Variants in FAM184B observed in about 807,000 individuals in gnomAD.
The protein encoded by FAM184B is protein FAM184B.
A neutral mutation model predicts 135.9 loss-of-function variants in FAM184B; 111 were observed. That is an observed-to-expected ratio of 0.82 (90% CI 0.70 to 0.96). The LOEUF is 0.96. Among genes scored for constraint, FAM184B ranks in the 40% least tolerant of loss-of-function variants. The probability of loss-of-function intolerance (pLI) is 0.00; values close to 1 mark genes in which losing one functional copy is unlikely to be tolerated. For missense variants in FAM184B, 1,375 were observed against 1,323.9 expected (o/e 1.04, Z -0.60); for synonymous variants, 552 against 524.8 (o/e 1.05, Z -0.71).
At chr4:17,754,555 A>G (rs1356955734) in intron 1 of FAM184B, among the ~76,000 whole-genome samples, 6 of 133,504 alleles carry the variant, frequency 4.5e-5, no homozygotes, top group African/African-American at 2.0e-4. Context: ...CTGTCTCAGA[A>G]AAAAAAAAAA....
intron 1 of FAM184B, among the ~76,000 whole-genome samples, chr4:17,751,971 GA>G (rs796589876): frequency 0.02 from 2,675 of 134,664 alleles, 20 homozygotes; most frequent in Non-Finnish European, 0.028. Context: ...GAAAGATCAG[GA>G]AAAAAAAAAA....
At chr4:17,662,336 AT>A (rs1365149197) in intron 8 of FAM184B, among the ~76,000 whole-genome samples, 2 of 118,568 alleles carry the variant, frequency 1.7e-5, no homozygotes, top group East Asian at 3.8e-4. Context: ...GTGGATATAT[AT>A]TTTTTTCTTT....
chr4:17,638,381 C>T (rs750564547), intron 14 of FAM184B, among the ~76,000 whole-genome samples: 13 of 151,454 alleles, frequency 8.6e-5, no homozygotes, highest in Non-Finnish European at 1.9e-4. Context: ...TTTGTAGAGA[C>T]GGAGTTTCAC....
At chr4:17,662,153 CCATGTTGTTGTGTATGT>C (rs1715933935) in intron 8 of FAM184B, among the ~76,000 whole-genome samples, 1 of 152,094 alleles carries the variant, frequency 6.6e-6, no homozygotes, top group Non-Finnish European at 1.5e-5. Flanking sequence ...TTGGCCTCAT[CCATGTTGTTGTGTATGT>C]CAGCAATTCA....
chr4:17,723,915 C>T (rs1717585584), intron 1 of FAM184B, among the ~76,000 whole-genome samples: 2 of 152,126 alleles, frequency 1.3e-5, no homozygotes, highest in African/African-American at 4.8e-5. Context: ...TCCCTGTCTG[C>T]TGGATGGAAG....
chr4:17,647,503 G>A (rs1715501572), intron 12 of FAM184B, 134 bp downstream of exon 12: 1 of 1,132,254 alleles, frequency 8.8e-7, no homozygotes, highest in Non-Finnish European at 1.2e-6. Flanking sequence ...TCTGGCTTTG[G>A]CCTCCCAAAG....
intron 1 of FAM184B, among the ~76,000 whole-genome samples, chr4:17,720,883 TAAAAAAAAAAAA>T (rs59409749): frequency 2.0e-5 from 2 of 100,330 alleles, no homozygotes; most frequent in Admixed American, 2.2e-4. Context: ...AGACTTCATC[TAAAAAAAAAAAA>T]AAAAAAAGAA....
chr4:17,633,187 G>T (rs1715016141), intron 17 of FAM184B: 1 of 154,282 alleles, frequency 6.5e-6, no homozygotes, highest in Non-Finnish European at 1.4e-5. Context: ...CTCCCAAAGT[G>T]CTGGGATTAC....
chr4:17,775,352 AT>A (rs1718905700), intron 1 of FAM184B, among the ~76,000 whole-genome samples: 1 of 151,776 alleles, frequency 6.6e-6, no homozygotes, highest in East Asian at 1.9e-4. Flanking sequence ...CACCCAGCTA[AT>A]TTTTTGTATT....
rs1246010612 is a variant in FAM184B, at chr4:17,763,119, C to G, written c.141+18040G>C. ...TTGTTCAGTGCTAGTTCTTTCTTTG[C>G]CTGTCAACCCCAGCCAGCAAGGTCC... On this transcript the variant is annotated intron_variant, in intron 1 of 17. Coordinates refer to ENST00000265018, the MANE Select transcript of FAM184B (RefSeq NM_015688.2). Among the ~76,000 whole-genome samples the G allele has an allele frequency of 2.0e-5, 3 of 152,122 alleles. No individual in the cohort carries two copies. In the East Asian group the frequency reaches 5.8e-4, roughly 29 times the overall value.
chr4:17,653,098 G>A lies in FAM184B; in HGVS notation c.2038-115C>T. The A allele has an allele frequency of 3.0e-6, 3 of 1,012,270 alleles. No homozygotes were observed. In the East Asian group the frequency reaches 7.9e-5, roughly 27 times the overall value. The allele number at this position is 1,012,270 out of a possible 1,614,324, so 62.7% of individuals were successfully genotyped here. On this transcript the variant is annotated intron_variant, in intron 10 of 17. Transcript: ENST00000265018. Reference sequence around the variant, plus strand: ...GCTCTGAACACTCGCACTCTCCCATGGAGGGCTTATCAGGCTACAGAGAAT... The same window carrying A: ...GCTCTGAACACTCGCACTCTCCCATAGAGGGCTTATCAGGCTACAGAGAAT...
intron 1 of FAM184B, among the ~76,000 whole-genome samples, chr4:17,754,175 A>G (rs1359441908): frequency 6.6e-6 from 1 of 152,212 alleles, no homozygotes; most frequent in African/African-American, 2.4e-5. Context: ...GGAAGTATAT[A>G]TTCTATTTAC....
chr4:17,633,666 C>G, intron 17 of FAM184B, 23 bp downstream of exon 17: 1 of 1,486,810 alleles, frequency 6.7e-7, no homozygotes, highest in East Asian at 2.6e-5. Flanking sequence ...AATAAGGGCC[C>G]CTGTCCCCAA....
At chr4:17,636,863 A>T (rs1403530958) in intron 14 of FAM184B, among the ~76,000 whole-genome samples, 1 of 152,130 alleles carries the variant, frequency 6.6e-6, no homozygotes, top group Non-Finnish European at 1.5e-5. Context: ...CCAGGAAGCA[A>T]AGGCCCCTGT....
At chr4:17,706,006 T>C (rs1013464698) in intron 3 of FAM184B, 115 bp from the exon 4 acceptor site, 3 of 1,331,082 alleles carry the variant, frequency 2.3e-6, no homozygotes, top group Non-Finnish European at 3.1e-6. Context: ...CAACATCCCC[T>C]GTGTAATTCC....
At chr4:17,750,460 T>C (rs182512794) in intron 1 of FAM184B, among the ~76,000 whole-genome samples, 84 of 152,316 alleles carry the variant, frequency 5.5e-4, no homozygotes, top group Admixed American at 2.1e-3. Context: ...CTGCTTCATA[T>C]TGTTGTATTT....
chr4:17,664,501 T>A, intron 8 of FAM184B, 61 bp downstream of exon 8: 1 of 1,258,494 alleles, frequency 7.9e-7, no homozygotes, highest in South Asian at 1.3e-5. Flanking sequence ...AATGGATGAA[T>A]CCTTCCACAT....
chr4:17,684,436 A>G (rs1716531066), intron 7 of FAM184B, among the ~76,000 whole-genome samples: 1 of 152,122 alleles, frequency 6.6e-6, no homozygotes, highest in African/African-American at 2.4e-5. Context: ...TCTGTACCAT[A>G]TATGTGGATT....
chr4:17,748,511 T>G (rs1191585426), intron 1 of FAM184B, among the ~76,000 whole-genome samples: 8 of 54,382 alleles, frequency 1.5e-4, no homozygotes, highest in African/African-American at 3.4e-4. Context: ...TGTAATTTTT[T>G]TTTTTTTTTT....
Sources: gnomAD v4.1 joint callset for allele counts (sites outside exome capture counted in the v4.1 genomes callset) on GRCh38, gnomAD v4.1.1 for gene constraint, MANE v1.5 for transcripts, NCBI Gene and HGNC (gene_info 2026-07-23, HGNC 2026-07-21) for gene names.